The following DCLK1 variants were observed in gnomAD, a reference collection of about 807,000 sequenced individuals.
The protein encoded by DCLK1 is doublecortin like kinase 1.
DCLK1 carries 16 observed loss-of-function variants against 86.2 expected under a neutral mutation model. The ratio of observed to expected loss-of-function variants is 0.19; its 90% CI spans 0.13 to 0.28. The LOEUF is 0.28. Among genes scored for constraint, DCLK1 ranks in the 10% least tolerant of loss-of-function variants. The pLI is 1.00. For synonymous variants in DCLK1, 369 were observed against 370.5 expected (o/e 1.00, Z 0.05); for missense variants, 590 against 940.2 (o/e 0.63, Z 4.87).
At chr13:35,828,105 A>C in intron 9 of DCLK1, 145 bp downstream of exon 9, 1 of 656,224 alleles carries the variant, frequency 1.5e-6, no homozygotes, top group East Asian at 2.6e-5. Flanking sequence ...GGATATACAT[A>C]AAGTTATATT....
chr13:35,804,868 C>T lies in DCLK1; in HGVS notation c.1944+831G>A, dbSNP rs564279323. Among the ~76,000 whole-genome samples, 5 of 152,294 alleles carry T rather than the reference C, an allele frequency of 3.3e-5. No individual in the cohort carries two copies. The South Asian group carries it at 1.0e-3, about 32-fold the overall frequency. ...TCATTAGACCCGTGTACTCAAAGAA[C>T]AGCCACAGAGGCAGCATCGGGGAGA... is the stretch of plus-strand genomic sequence containing the variant. On this transcript the variant is annotated intron_variant, in intron 15 of 16. Transcript: ENST00000360631.
At chr13:35,897,912 C>T (rs527438322) in intron 4 of DCLK1, among the ~76,000 whole-genome samples, 26 of 152,148 alleles carry the variant, frequency 1.7e-4, no homozygotes, top group East Asian at 5.8e-4. Flanking sequence ...TTAAACTCTG[C>T]GTTTATAAAA....
chr13:35,895,136 T>C (rs1873879045), intron 4 of DCLK1, among the ~76,000 whole-genome samples: 1 of 152,148 alleles, frequency 6.6e-6, no homozygotes, highest in Non-Finnish European at 1.5e-5. Flanking sequence ...AGAGGTGGAA[T>C]GTTGCCATGT....
intron 5 of DCLK1, 91 bp downstream of exon 5, chr13:35,871,133 T>TA (rs1230417302): frequency 9.2e-7 from 1 of 1,083,214 alleles, no homozygotes. Context: ...TACACTCGCT[T>TA]AAAAACCTCA....
At chr13:35,872,308 C>T (rs1322954276) in intron 4 of DCLK1, among the ~76,000 whole-genome samples, 1 of 152,160 alleles carries the variant, frequency 6.6e-6, no homozygotes, top group East Asian at 1.9e-4. Flanking sequence ...GAATTTTTGT[C>T]TATGCATTTA....
intron 3 of DCLK1, among the ~76,000 whole-genome samples, chr13:36,079,216 G>A (rs1250816902): frequency 6.6e-6 from 1 of 152,208 alleles, no homozygotes; most frequent in Non-Finnish European, 1.5e-5. Context: ...AATGGAGGCT[G>A]ATCCAGCAGC....
In DCLK1 at chr13:35,792,364, C is replaced by A. The variant is rs117056572; in HGVS notation, c.2058+1002G>T. Among the ~76,000 whole-genome samples, 694 of 152,038 alleles carry A rather than the reference C, an allele frequency of 4.6e-3. 2 individuals carry two copies. Among genetic ancestry groups the A allele is most frequent in the Non-Finnish European group, 7.4e-3 (503 of 67,992 alleles). On this transcript the variant is annotated intron_variant, in intron 16 of 16. Transcript: ENST00000360631. ...ATCAAACAGATCACTTGTTTATCTT[C>A]AGTTTTTTTTTAGAGCTCTCGCGCA...
chr13:36,018,370 A>G (rs1881623836), intron 3 of DCLK1, among the ~76,000 whole-genome samples: 1 of 152,226 alleles, frequency 6.6e-6, no homozygotes, highest in Non-Finnish European at 1.5e-5. Flanking sequence ...AAAATTCATA[A>G]GTTAATTTTC....
chr13:36,033,209 G>T (rs1196959715), intron 3 of DCLK1, among the ~76,000 whole-genome samples: 2 of 152,136 alleles, frequency 1.3e-5, no homozygotes, highest in Admixed American at 1.3e-4. Context: ...TTGAAATAAT[G>T]TCCTACTAAA....
chr13:35,876,670 T>C (rs1872608684), intron 4 of DCLK1, among the ~76,000 whole-genome samples: 1 of 152,204 alleles, frequency 6.6e-6, no homozygotes, highest in Non-Finnish European at 1.5e-5. Context: ...TAGAAAACCT[T>C]TTTGTTGACA....
chr13:35,805,534 G>C (rs1046193109), intron 15 of DCLK1, 165 bp downstream of exon 15: 4 of 609,434 alleles, frequency 6.6e-6, no homozygotes, highest in African/African-American at 1.9e-5. Context: ...CCTGAGCTCA[G>C]GCAATCCACC....
chr13:36,116,186 G>A (rs1380058425), intron 2 of DCLK1, among the ~76,000 whole-genome samples: 1 of 151,990 alleles, frequency 6.6e-6, no homozygotes, highest in African/African-American at 2.4e-5. Context: ...CTGCCCTCAA[G>A]TGATCCGCCC....
intron 6 of DCLK1, among the ~76,000 whole-genome samples, chr13:35,841,830 T>C (rs569118218): frequency 2.6e-5 from 4 of 152,296 alleles, no homozygotes; most frequent in East Asian, 1.9e-4. Flanking sequence ...TAATACTAAA[T>C]ACTTTTCCAA....
chr13:35,798,417 C>G (rs1396166881), intron 15 of DCLK1, among the ~76,000 whole-genome samples: 1 of 152,236 alleles, frequency 6.6e-6, no homozygotes, highest in East Asian at 1.9e-4. Flanking sequence ...TCAGGAGAAG[C>G]ATGGCAGTCT....
chr13:36,078,255 G>A (rs1884282799), intron 3 of DCLK1, among the ~76,000 whole-genome samples: 2 of 152,304 alleles, frequency 1.3e-5, no homozygotes. Flanking sequence ...TGAGAACTAT[G>A]AGAAACATAT....
At chr13:36,017,405 G>T (rs916625212) in intron 3 of DCLK1, among the ~76,000 whole-genome samples, 14 of 152,128 alleles carry the variant, frequency 9.2e-5, no homozygotes, top group Admixed American at 1.3e-4. Flanking sequence ...ATAACCTTTG[G>T]AATTAAATAA....
intron 15 of DCLK1, 97 bp from the exon 16 acceptor site, chr13:35,793,576 A>C: frequency 4.4e-6 from 4 of 910,624 alleles, no homozygotes; most frequent in Non-Finnish European, 6.6e-6. Flanking sequence ...TGATCTTAGA[A>C]TTCATAAGAT....
At chr13:35,949,825 G>GTT (rs34920645) in intron 3 of DCLK1, among the ~76,000 whole-genome samples, 69,999 of 130,354 alleles carry the variant, frequency 0.54, 19,975 homozygotes, top group Non-Finnish European at 0.64. Context: ...ATCTTGGGCA[G>GTT]TTTTTTTTTT....
chr13:36,122,118 A>T (rs7984436), intron 2 of DCLK1, among the ~76,000 whole-genome samples: 53,505 of 152,028 alleles, frequency 0.35, 10,288 homozygotes, highest in East Asian at 0.77. Flanking sequence ...GAAATAAAGT[A>T]GAGGATGCTC....
Sources: gnomAD v4.1 joint callset for allele counts (sites outside exome capture counted in the v4.1 genomes callset) on GRCh38, gnomAD v4.1.1 for gene constraint, MANE v1.5 for transcripts, NCBI Gene and HGNC (gene_info 2026-07-23, HGNC 2026-07-21) for gene names.